Variants in LOXL2 observed in about 807,000 individuals in gnomAD.
LOXL2 encodes lysyl oxidase homolog 2.
A neutral mutation model predicts 93.0 loss-of-function variants in LOXL2; 70 were observed. The ratio of observed to expected loss-of-function variants is 0.75; its 90% CI spans 0.62 to 0.92. The LOEUF is 0.92. Among genes scored for constraint, LOXL2 ranks in the 40% least tolerant of loss-of-function variants. The pLI is 0.00. For missense variants in LOXL2, 973 were observed against 1,054.9 expected (o/e 0.92, Z 1.08); for synonymous variants, 438 against 413.2 (o/e 1.06, Z -0.73).
At position 23,301,471 on chromosome 8, in the gene LOXL2, C is replaced by T. The variant is rs181901840; in HGVS notation, c.2133+556G>A. On this transcript the variant is annotated intron_variant, in intron 12 of 13. Transcript: ENST00000389131. ...GAAGTCACCTGGCCAGGCTGTGTCT[C>T]GTGTTCAGTATTTTATTCTTATAGA... Among the ~76,000 whole-genome samples, 825 of 152,280 alleles carry T rather than the reference C, an allele frequency of 5.4e-3. 4 individuals carry two copies. Among genetic ancestry groups the T allele is most frequent in the Non-Finnish European group, 7.9e-3 (538 of 68,024 alleles).
At chr8:23,303,238 C>T (rs541934821) in intron 11 of LOXL2, 44 bp downstream of exon 11, 89 of 1,219,126 alleles carry the variant, frequency 7.3e-5, no homozygotes, top group South Asian at 9.6e-5. Flanking sequence ...CAGAGGCATT[C>T]GAGTCCCTCT....
chr8:23,384,684 C>T (rs1170955460), intron 1 of LOXL2, among the ~76,000 whole-genome samples: 2 of 152,074 alleles, frequency 1.3e-5, no homozygotes, highest in East Asian at 1.9e-4. Context: ...AAGGCCGAGG[C>T]GGGCGGATCA....
intron 2 of LOXL2, among the ~76,000 whole-genome samples, chr8:23,366,938 C>T (rs1057050676): frequency 2.0e-5 from 3 of 152,206 alleles, no homozygotes; most frequent in South Asian, 2.1e-4. Flanking sequence ...AGAGGACATG[C>T]GTCTTCCTAC....
rs1212269670 is a variant in LOXL2, at chr8:23,312,986, A to G, written c.1637-3075T>C. 5.4e-5 allele frequency among the ~76,000 whole-genome samples: 8 copies of G among 148,428 alleles called. No homozygotes were observed. In the East Asian group the frequency reaches 1.5e-3, roughly 29 times the overall value. On this transcript the variant is annotated intron_variant, in intron 9 of 13. Coordinates refer to ENST00000389131, the MANE Select transcript of LOXL2 (RefSeq NM_002318.3). ...ACAAAATCAATGTACAAAAATCACA[A>G]GCATTCTTATACACCAACAAGAGAC...
chr8:23,394,481 AT>A (rs1346250458), intron 1 of LOXL2, among the ~76,000 whole-genome samples: 1 of 152,100 alleles, frequency 6.6e-6, no homozygotes, highest in Non-Finnish European at 1.5e-5. Flanking sequence ...AGATATACAA[AT>A]GGCTTACAAG....
chr8:23,342,460 C>T (rs1803897823), intron 3 of LOXL2, among the ~76,000 whole-genome samples: 3 of 147,816 alleles, frequency 2.0e-5, no homozygotes, highest in African/African-American at 5.0e-5. Flanking sequence ...GAGACGGAGT[C>T]TCGCTCTGTC....
intron 1 of LOXL2, among the ~76,000 whole-genome samples, chr8:23,403,649 C>T (rs1800180052): frequency 6.6e-6 from 1 of 152,098 alleles, no homozygotes; most frequent in Non-Finnish European, 1.5e-5. Flanking sequence ...ACTTGACGGG[C>T]TCTGTCCCGC....
At chr8:23,332,012 G>A (rs1430729752) in intron 5 of LOXL2, 2 of 125,138 alleles carry the variant, frequency 1.6e-5, no homozygotes, top group African/African-American at 3.1e-5. Context: ...CTCCAGCCTG[G>A]CAACAAGAGT....
At chr8:23,348,644 G>A (rs541800302) in intron 3 of LOXL2, among the ~76,000 whole-genome samples, 16 of 152,048 alleles carry the variant, frequency 1.1e-4, no homozygotes, top group Non-Finnish European at 2.1e-4. Flanking sequence ...TTGGGAGGCC[G>A]AGGCGGGTGG....
At chr8:23,351,571 T>C (rs1804094288) in intron 3 of LOXL2, among the ~76,000 whole-genome samples, 1 of 152,072 alleles carries the variant, frequency 6.6e-6, no homozygotes, top group Non-Finnish European at 1.5e-5. Context: ...ATCTAACAAA[T>C]AAATAGAATG....
chr8:23,372,988 A>G (rs1490758380), intron 1 of LOXL2, among the ~76,000 whole-genome samples: 4 of 152,238 alleles, frequency 2.6e-5, no homozygotes, highest in African/African-American at 9.6e-5. Context: ...ATATTAAGAT[A>G]TTAAGATACA....
intron 3 of LOXL2, among the ~76,000 whole-genome samples, chr8:23,345,387 G>A (rs1803953813): frequency 6.6e-6 from 1 of 152,192 alleles, no homozygotes; most frequent in South Asian, 2.1e-4. Context: ...AAGGGTGCTG[G>A]TGCTGTGCAC....
Position 23,322,115 on chromosome 8 carries a change from G to A in LOXL2, c.1302+15C>T, listed in dbSNP as rs1258579220. The A allele has an allele frequency of 3.1e-6, 5 of 1,613,470 alleles. No homozygotes were observed. Among genetic ancestry groups the A allele is most frequent in the Admixed American group, 1.7e-5 (1 of 60,004 alleles). On this transcript the variant is annotated intron_variant, in intron 7 of 13. Coordinates refer to ENST00000389131, the MANE Select transcript of LOXL2 (RefSeq NM_002318.3). ...GCCTCAGTTACAGTCCCCTCTAGGT[G>A]TCCAGTCCCATCACCTTCTTCTGCA...
intron 10 of LOXL2, among the ~76,000 whole-genome samples, chr8:23,307,705 G>A (rs1345665758): frequency 1.3e-5 from 2 of 152,094 alleles, no homozygotes; most frequent in East Asian, 3.9e-4. Context: ...CCACCCACAC[G>A]TTCCCCGAAG....
chr8:23,310,764 GGA>G (rs1200278074), intron 9 of LOXL2, among the ~76,000 whole-genome samples: 1 of 152,196 alleles, frequency 6.6e-6, no homozygotes, highest in Admixed American at 6.5e-5. Context: ...CTGCCCCACA[GGA>G]GAGTTTTCCC....
chr8:23,319,019 A>G (rs57316316), intron 8 of LOXL2, among the ~76,000 whole-genome samples: 3,477 of 152,336 alleles, frequency 0.023, 93 homozygotes, highest in East Asian at 0.16. Context: ...CCCAAGAAGG[A>G]CCACTGGGGA....
chr8:23,298,953 G>C lies in LOXL2; in HGVS notation c.2134-6C>G, dbSNP rs1446805847. The C allele has an allele frequency of 1.9e-6, 3 of 1,557,804 alleles. No individual in the cohort carries two copies. The highest frequency in any genetic ancestry group is 2.7e-5 in the African/African-American group (2 of 73,746). On this transcript the variant is annotated splice_polypyrimidine_tract_variant and splice_region_variant and intron_variant, in intron 12 of 13. Transcript: ENST00000389131. The stretch of plus-strand genomic sequence containing the variant: ...AAGTTGGGGTTAATAACAACCTAGG[G>C]AGAAGCAGGGCAGAGGAGGCTGCTT...
chr8:23,367,820 G>A (rs779754391), intron 2 of LOXL2, among the ~76,000 whole-genome samples, 177 bp downstream of exon 2: 1 of 152,194 alleles, frequency 6.6e-6, no homozygotes, highest in Non-Finnish European at 1.5e-5. Context: ...CCCCGACCCC[G>A]CCTTCCTGCA....
intron 6 of LOXL2, among the ~76,000 whole-genome samples, chr8:23,326,096 G>T (rs544239818): frequency 6.6e-6 from 1 of 152,334 alleles, no homozygotes; most frequent in East Asian, 1.9e-4. Context: ...CTAGAGCCAG[G>T]GCTGAGGGGC....
Sources: allele counts gnomAD v4.1 joint callset (sites outside exome capture counted in the v4.1 genomes callset), GRCh38; gene constraint gnomAD v4.1.1; transcripts MANE v1.5; gene names NCBI Gene and HGNC (gene_info 2026-07-23, HGNC 2026-07-21).